Variants in EZH2 observed in about 807,000 individuals in gnomAD.
EZH2 encodes the protein histone-lysine N-methyltransferase EZH2.
A neutral mutation model predicts 98.4 loss-of-function variants in EZH2; 18 were observed. The ratio of observed to expected loss-of-function variants is 0.18; its 90% CI spans 0.13 to 0.27. The LOEUF (loss-of-function observed/expected upper bound fraction) is 0.27. EZH2 is among the 10% of genes least tolerant of loss of function. EZH2 has a pLI of 1.00. For missense variants in EZH2, 470 were observed against 935.1 expected, an observed-to-expected ratio of 0.50 and a Z score of 6.49; for synonymous variants, 338 against 312.3, an observed-to-expected ratio of 1.08 and a Z score of -0.87.
At chr7:148,864,867 C>A (rs1818212067) in intron 1 of EZH2, among the ~76,000 whole-genome samples, 1 of 151,990 alleles carries the variant, frequency 6.6e-6, no homozygotes, top group Non-Finnish European at 1.5e-5. Flanking sequence ...TGGCTCACGC[C>A]TGTAATCCTA....
At chr7:148,809,436 T>C (rs1416851158) in intron 17 of EZH2, 46 bp from the exon 18 acceptor site, 1 of 1,456,346 alleles carries the variant, frequency 6.9e-7, no homozygotes, top group East Asian at 2.3e-5. Context: ...ATTTCAGTTA[T>C]AAGTAAACCA....
At chr7:148,856,512 C>A (rs1816859640) in intron 1 of EZH2, among the ~76,000 whole-genome samples, 1 of 152,154 alleles carries the variant, frequency 6.6e-6, no homozygotes, top group Admixed American at 6.5e-5. Context: ...ACCCCAGGAG[C>A]AATAAAATAA....
chr7:148,814,868 A>T, intron 14 of EZH2, 46 bp downstream of exon 14: 1 of 1,587,644 alleles, frequency 6.3e-7, no homozygotes, highest in Non-Finnish European at 8.6e-7. Flanking sequence ...CTAACCAAAG[A>T]CCTATTTAGT....
At chr7:148,825,570 A>G (rs1807457386) in intron 8 of EZH2, among the ~76,000 whole-genome samples, 1 of 152,216 alleles carries the variant, frequency 6.6e-6, no homozygotes, top group African/African-American at 2.4e-5. Context: ...CTGCTTGGGC[A>G]AGCTTAAAAA....
Position 148,813,979 on chromosome 7 carries a change from T to C in EZH2, c.1831A>G (p.Ile611Val). The part of the protein sequence containing the change: ...SKNVSCKNCS[I>V]QRGSKKHLLL... ...CTCACCTTTTTGGAGCCCCGCTGAA[T>C]ACTGCAGTTCTTGCAGGACACATTT... is the stretch of plus-strand genomic sequence containing the variant. The change falls in exon 15 of 20, where the codon ATT (isoleucine) becomes GTT (valine). Residue 611 changes from isoleucine (I) to valine (V), a missense_variant. Around this residue, in one of 6 missense-constraint regions of EZH2, gnomAD observed 106 missense variants for 327.2 expected, o/e 0.32. Coordinates refer to ENST00000320356, the MANE Select transcript of EZH2 (RefSeq NM_004456.5). 6.2e-7 allele frequency: 1 copy of C among 1,614,038 alleles called. No individual in the cohort carries two copies. Among genetic ancestry groups the C allele is most frequent in the Non-Finnish European group, 8.5e-7 (1 of 1,179,980 alleles).
At chr7:148,879,464 G>A (rs1284530188) in intron 1 of EZH2, among the ~76,000 whole-genome samples, 1 of 152,000 alleles carries the variant, frequency 6.6e-6, no homozygotes, top group Non-Finnish European at 1.5e-5. Context: ...GCCAGGGCAG[G>A]TGGATCACCT....
intron 1 of EZH2, among the ~76,000 whole-genome samples, chr7:148,869,558 G>T (rs1279468595): frequency 6.6e-6 from 1 of 151,888 alleles, no homozygotes; most frequent in Non-Finnish European, 1.5e-5. Context: ...GGCTGGTCTT[G>T]AACTCCTGGG....
Position 148,884,192 on chromosome 7 carries a change from TCCCGCGCGTCGCC to T in EZH2, c.-49_-37del, listed in dbSNP as rs1000303322. 3.0e-5 allele frequency: 5 copies of T among 165,920 alleles called. No individual in the cohort carries two copies. Among genetic ancestry groups the T allele is most frequent in the East Asian group, 1.2e-4 (1 of 8,272 alleles). 10.3% of individuals were successfully genotyped at this position (165,920 alleles called of 1,614,324 possible). On this transcript the variant is annotated 5_prime_UTR_variant, in exon 1 of 20. Coordinates refer to ENST00000320356, the MANE Select transcript of EZH2 (RefSeq NM_004456.5). ...CGTCCCGCGCGCCGACTCGCGTTGTTCCCGCGCGTCGCCCCCGCGCGCCGCCGCCGCCGCCGCC... is the reference window on the plus strand; with the variant it reads ...CGTCCCGCGCGCCGACTCGCGTTGTTCCCGCGCGCCGCCGCCGCCGCCGCC...
intron 1 of EZH2, among the ~76,000 whole-genome samples, chr7:148,871,403 T>TAAAAAAAAAAAAAAAAAAAAAAAAAAAAA (rs71529646): frequency 1.1e-5 from 1 of 88,754 alleles, no homozygotes; most frequent in Non-Finnish European, 2.2e-5. Context: ...GACGAATAAT[T>TAAAAAAAAAAAAAAAAAAAAAAAAAAAAA]AAAAAAAAAA....
intron 3 of EZH2, among the ~76,000 whole-genome samples, chr7:148,835,339 C>A (rs563161975): frequency 5.6e-4 from 85 of 151,380 alleles, no homozygotes; most frequent in African/African-American, 2.0e-3. Flanking sequence ...GGGAGGATCA[C>A]TTGAGCCTGG....
chr7:148,875,231 C>A (rs1478485057), intron 1 of EZH2, among the ~76,000 whole-genome samples: 4 of 152,120 alleles, frequency 2.6e-5, no homozygotes, highest in African/African-American at 9.7e-5. Flanking sequence ...TTAAATGACT[C>A]GTGAATTAAG....
chr7:148,874,633 T>C (rs552056857), intron 1 of EZH2, among the ~76,000 whole-genome samples: 9 of 152,324 alleles, frequency 5.9e-5, no homozygotes, highest in South Asian at 2.1e-4. Context: ...GGAAAAGTTA[T>C]GTATTACTTG....
chr7:148,871,085 G>A (rs917737744), intron 1 of EZH2, among the ~76,000 whole-genome samples: 1 of 152,072 alleles, frequency 6.6e-6, no homozygotes, highest in Non-Finnish European at 1.5e-5. Context: ...AATATTTGGG[G>A]TGAATAAACA....
chr7:148,848,922 A>T (rs1368071088), intron 1 of EZH2, among the ~76,000 whole-genome samples: 2 of 151,930 alleles, frequency 1.3e-5, no homozygotes, highest in Non-Finnish European at 2.9e-5. Flanking sequence ...AGCCTCCCAT[A>T]TACTTTTTTT....
At chr7:148,813,045 C>T (rs1803537804) in intron 15 of EZH2, among the ~76,000 whole-genome samples, 1 of 136,910 alleles carries the variant, frequency 7.3e-6, no homozygotes, top group South Asian at 2.3e-4. Flanking sequence ...CTACTCTACA[C>T]CCCACATACA....
chr7:148,876,142 C>G (rs2129494003), intron 1 of EZH2: 1 of 152,176 alleles, frequency 6.6e-6, no homozygotes, highest in Admixed American at 6.5e-5. Context: ...CAAAAATTAG[C>G]TGGGTGTGGT....
intron 1 of EZH2, among the ~76,000 whole-genome samples, chr7:148,868,340 C>T (rs1410134007): frequency 6.6e-6 from 1 of 152,160 alleles, no homozygotes; most frequent in Non-Finnish European, 1.5e-5. Context: ...CCTCAGGAAA[C>T]TTATCATCAC....
chr7:148,879,187 T>A (rs1465806448), intron 1 of EZH2, among the ~76,000 whole-genome samples: 1 of 151,926 alleles, frequency 6.6e-6, no homozygotes, highest in Non-Finnish European at 1.5e-5. Flanking sequence ...ATCACGCCAC[T>A]GCACTCCAGC....
intron 1 of EZH2, among the ~76,000 whole-genome samples, chr7:148,857,880 T>C (rs1817075008): frequency 6.6e-6 from 1 of 151,948 alleles, no homozygotes; most frequent in South Asian, 2.1e-4. Context: ...CATTCACTTT[T>C]AGAAGTGATA....
Sources: gnomAD v4.1 joint callset for allele counts (sites outside exome capture counted in the v4.1 genomes callset) on GRCh38, gnomAD v4.1.1 for gene constraint, gnomAD v4.1.1 regional missense constraint, MANE v1.5 for transcripts, NCBI Gene and HGNC (gene_info 2026-07-23, HGNC 2026-07-21) for gene names.